ZNF679: variants seen among roughly 807,000 people sequenced by gnomAD.
ZNF679 encodes the protein hypothetical protein MGC42415.
A neutral mutation model predicts 13.4 loss-of-function variants in ZNF679; 10 were observed. The observed-to-expected ratio is 0.75, with a 90% CI of 0.46 to 1.27. ZNF679 has a LOEUF of 1.27. Ranked by LOEUF, ZNF679 falls within the 50% of genes most tolerant of loss-of-function variation. ZNF679 has a pLI of 0.00. For missense variants in ZNF679, 525 were observed against 477.8 expected (o/e 1.10, Z -0.92); for synonymous variants, 179 against 162.5 (o/e 1.10, Z -0.77).
intron 1 of ZNF679, among the ~76,000 whole-genome samples, chr7:64,230,396 G>A (rs569103071): frequency 3.3e-4 from 50 of 152,030 alleles, no homozygotes; most frequent in South Asian, 6.2e-4. Context: ...AGCCGGGCGC[G>A]GTGGCGGGCG....
chr7:64,241,916 A>C (rs950549545), intron 1 of ZNF679, among the ~76,000 whole-genome samples: 1 of 152,224 alleles, frequency 6.6e-6, no homozygotes, highest in Non-Finnish European at 1.5e-5. Flanking sequence ...TAATTGTCAC[A>C]ATCACACCTG....
chr7:64,240,346 T>C lies in ZNF679; in HGVS notation c.-90-8682T>C, dbSNP rs147241113. ...ATTGTGACACATACATGGTCACAGC[T>C]CAAAGGTGAGATGATGACTCTCATA... is the stretch of plus-strand genomic sequence containing the variant. On this transcript the variant is annotated intron_variant, in intron 1 of 4. Transcript: ENST00000421025. 2.3e-3 allele frequency among the ~76,000 whole-genome samples: 356 copies of C among 152,296 alleles called. 5 individuals are homozygous for C. Among genetic ancestry groups the C allele is most frequent in the East Asian group, 3.5e-3 (18 of 5,182 alleles).
intron 2 of ZNF679, among the ~76,000 whole-genome samples, chr7:64,259,361 G>GGAAACACAGTT (rs1344134857): frequency 6.6e-6 from 1 of 152,098 alleles, no homozygotes; most frequent in Non-Finnish European, 1.5e-5. Flanking sequence ...TTTTTACTGG[G>GGAAACACAGTT]GAAACACAGT....
At position 64,247,112 on chromosome 7, in the gene ZNF679, G is replaced by A. The variant is rs562949356; in HGVS notation, c.-90-1916G>A. Among the ~76,000 whole-genome samples the A allele has an allele frequency of 2.4e-4, 36 of 152,304 alleles. No homozygotes were observed. The South Asian group carries it at 6.8e-3, about 29-fold the overall frequency. On this transcript the variant is annotated intron_variant, in intron 1 of 4. Coordinates refer to ENST00000421025, the MANE Select transcript of ZNF679 (RefSeq NM_153363.3). ...CGCATGCTAATGCATTATAATTAGC[G>A]TGTAATGATTCCTGAGGACAATCAG...
At chr7:64,256,493 CTG>C (rs1319343913) in intron 2 of ZNF679, among the ~76,000 whole-genome samples, 1 of 152,134 alleles carries the variant, frequency 6.6e-6, no homozygotes, top group Non-Finnish European at 1.5e-5. Context: ...AATTGCCAAA[CTG>C]TTTTTCTCAA....
intron 1 of ZNF679, among the ~76,000 whole-genome samples, chr7:64,235,057 T>C (rs1268437346): frequency 6.6e-6 from 1 of 152,102 alleles, no homozygotes; most frequent in Non-Finnish European, 1.5e-5. Context: ...AGGCTGGTCT[T>C]AAACTCCTGA....
chr7:64,235,954 TA>T (rs941347107), intron 1 of ZNF679, among the ~76,000 whole-genome samples: 2 of 151,990 alleles, frequency 1.3e-5, no homozygotes, highest in Non-Finnish European at 2.9e-5. Context: ...TGTATCTAAA[TA>T]AAAAAAATTT....
At position 64,266,918 on chromosome 7, in the gene ZNF679, A is replaced by G. The variant is rs1259075941; in HGVS notation, c.*49A>G. 3 of 1,462,348 alleles carry G rather than the reference A, an allele frequency of 2.1e-6. No individual in the cohort carries two copies. Among genetic ancestry groups the G allele is most frequent in the Admixed American group, 5.5e-5 (2 of 36,636 alleles). 90.6% of individuals were successfully genotyped at this position (1,462,348 alleles called of 1,614,324 possible). On this transcript the variant is annotated 3_prime_UTR_variant, in exon 5 of 5. Coordinates refer to ENST00000421025, the MANE Select transcript of ZNF679 (RefSeq NM_153363.3). ...CCTTATAATACATAAAATAATTTAT[A>G]CTTGAAAAAATCACTACAAGTGTAA...
intron 4 of ZNF679, among the ~76,000 whole-genome samples, chr7:64,261,336 C>T (rs185108790): frequency 6.7e-4 from 102 of 151,898 alleles, no homozygotes; most frequent in African/African-American, 2.4e-3. Context: ...GGTGGTTGTC[C>T]GTTTTTCTGC....
At chr7:64,232,382 A>C (rs549089814) in intron 1 of ZNF679, among the ~76,000 whole-genome samples, 2 of 152,248 alleles carry the variant, frequency 1.3e-5, no homozygotes, top group Non-Finnish European at 1.5e-5. Flanking sequence ...TAGAATACTC[A>C]GGAGCATACC....
chr7:64,263,580 T>G (rs1788105763), intron 4 of ZNF679, among the ~76,000 whole-genome samples: 1 of 152,166 alleles, frequency 6.6e-6, no homozygotes, highest in Admixed American at 6.6e-5. Context: ...AAATCCCTCA[T>G]GAATGACTTG....
In ZNF679 at chr7:64,266,394, C is replaced by T; in HGVS notation, c.761C>T (p.Thr254Ile). The change falls in exon 5 of 5, where the codon ACC (threonine) becomes ATC (isoleucine). Residue 254 changes from threonine (T) to isoleucine (I), a missense_variant. Physicochemically the swap from Thr to Ile is moderately conservative, Grantham distance 89. Transcript: ENST00000421025. Reference protein sequence around the residue: ...ECGKAFTWSSTLTKHRRIHTG... With the variant: ...ECGKAFTWSSILTKHRRIHTG... Reference sequence around the variant, plus strand: ...GGCAAAGCTTTTACCTGGTCCTCAACCCTTACTAAACATAGGAGAATTCAT... The same window carrying T: ...GGCAAAGCTTTTACCTGGTCCTCAATCCTTACTAAACATAGGAGAATTCAT... The T allele has an allele frequency of 6.2e-7, 1 of 1,612,800 alleles. No individual in the cohort carries two copies. The highest frequency in any genetic ancestry group is 8.5e-7 in the Non-Finnish European group (1 of 1,179,374).
At chr7:64,239,205 C>T (rs976470000) in intron 1 of ZNF679, among the ~76,000 whole-genome samples, 15 of 152,220 alleles carry the variant, frequency 9.9e-5, no homozygotes, top group Non-Finnish European at 1.6e-4. Flanking sequence ...CTCTCATATA[C>T]GGATCCAGTC....
At chr7:64,249,751 T>G (rs991416479) in intron 2 of ZNF679, among the ~76,000 whole-genome samples, 9 of 152,212 alleles carry the variant, frequency 5.9e-5, no homozygotes, top group Non-Finnish European at 1.2e-4. Context: ...AAGATCCAGG[T>G]GAAAATTTCT....
intron 1 of ZNF679, among the ~76,000 whole-genome samples, chr7:64,240,908 T>C (rs969410611): frequency 6.6e-6 from 1 of 152,118 alleles, no homozygotes; most frequent in East Asian, 1.9e-4. Context: ...TGTGTTTTGA[T>C]AGAGGAAGCA....
rs377635544 is a variant in ZNF679 at position 64,240,155 on chromosome 7, TG to T, written c.-90-8870del. The stretch of plus-strand genomic sequence containing the variant: ...AGCTAGGTGATATGACTCTCCTGAA[TG>T]GGCCCTGCTCTCAGAGAGGATTTTC... On this transcript the variant is annotated intron_variant, in intron 1 of 4. Coordinates refer to ENST00000421025, the MANE Select transcript of ZNF679 (RefSeq NM_153363.3). 4.2e-3 allele frequency among the ~76,000 whole-genome samples: 637 copies of T among 152,302 alleles called. 7 individuals carry two copies. Among genetic ancestry groups the T allele is most frequent in the African/African-American group, 0.014 (596 of 41,560 alleles).
At chr7:64,254,801 G>A (rs1787982178) in intron 2 of ZNF679, among the ~76,000 whole-genome samples, 1 of 151,592 alleles carries the variant, frequency 6.6e-6, no homozygotes. Flanking sequence ...GTTGCTTGTT[G>A]CCAACCTGGC....
chr7:64,261,400 T>G (rs1788075662), intron 4 of ZNF679, among the ~76,000 whole-genome samples: 1 of 152,142 alleles, frequency 6.6e-6, no homozygotes, highest in African/African-American at 2.4e-5. Context: ...TAAGGTTTTT[T>G]TACAACTTTT....
chr7:64,234,767 A>G (rs1375255142), intron 1 of ZNF679, among the ~76,000 whole-genome samples: 1 of 152,168 alleles, frequency 6.6e-6, no homozygotes, highest in Non-Finnish European at 1.5e-5. Context: ...GGAGCAATAG[A>G]AGACTAATAT....
Sources: allele counts gnomAD v4.1 joint callset (sites outside exome capture counted in the v4.1 genomes callset), GRCh38; gene constraint gnomAD v4.1.1; transcripts MANE v1.5; gene names NCBI Gene and HGNC (gene_info 2026-07-23, HGNC 2026-07-21).